The following IFFO2 variants were observed in gnomAD, a reference collection of about 807,000 sequenced individuals.
IFFO2 encodes the protein intermediate filament family orphan 2.
Under a neutral mutation model 53.5 loss-of-function variants are expected in IFFO2, and 19 were observed. The ratio of observed to expected loss-of-function variants is 0.36; its 90% CI spans 0.25 to 0.52. The LOEUF (loss-of-function observed/expected upper bound fraction) is 0.52. IFFO2 is among the 20% of genes least tolerant of loss of function. The probability of loss-of-function intolerance (pLI) is 0.94; values close to 1 mark genes in which losing one functional copy is unlikely to be tolerated. For synonymous variants in IFFO2, 303 were observed against 313.6 expected (o/e 0.97, Z 0.36); for missense variants, 570 against 727.4 (o/e 0.78, Z 2.49).
At position 18,918,626 on chromosome 1, in the gene IFFO2, G is replaced by T; in HGVS notation, c.823-124C>A. The T allele has an allele frequency of 1.0e-6, 1 of 974,250 alleles. No individual in the cohort carries two copies. 60.4% of individuals were successfully genotyped at this position (974,250 alleles called of 1,614,324 possible). On this transcript the variant is annotated intron_variant, in intron 3 of 8. Transcript: ENST00000455833. This position sits in a 1 kb window ranked among gnomAD's most constrained non-coding sequence, Gnocchi z 5.2. ...GTGCGGGGAGGCCTCCAGAGTCCGAGGGTGCCTTGGGCTTTTCCGTGGAGT... is the reference window on the plus strand; with the variant it reads ...GTGCGGGGAGGCCTCCAGAGTCCGATGGTGCCTTGGGCTTTTCCGTGGAGT...
rs920326013 is a variant in IFFO2, at chr1:18,916,305, C to T, written c.1103+598G>A. On this transcript the variant is annotated intron_variant, in intron 5 of 8. Coordinates refer to ENST00000455833, the MANE Select transcript of IFFO2 (RefSeq NM_001136265.2). The surrounding 1 kb of genome is among the most constrained non-coding windows in gnomAD (Gnocchi z 4.3). ...TTTCGAAGGAAAGGCAGGAGAATGG[C>T]AGACAGGGAACATAAAGGATGCTGG... is the stretch of plus-strand genomic sequence containing the variant. Among the ~76,000 whole-genome samples, 14 of 152,170 alleles carry T rather than the reference C, an allele frequency of 9.2e-5. No homozygotes were observed. Among genetic ancestry groups the T allele is most frequent in the African/African-American group, 3.1e-4 (13 of 41,420 alleles).
Position 18,919,883 on chromosome 1 carries a change from G to A in IFFO2, c.727-110C>T, listed in dbSNP as rs1936193271. On this transcript the variant is annotated intron_variant, in intron 2 of 8. Coordinates refer to ENST00000455833, the MANE Select transcript of IFFO2 (RefSeq NM_001136265.2). This position sits in a 1 kb window ranked among gnomAD's most constrained non-coding sequence, Gnocchi z 4.9. ...GGCACCCGATGTCCACCCCAGCTGG[G>A]CACCTGCAGCCAGGGAAGGGGCACC... is the stretch of plus-strand genomic sequence containing the variant. 4 of 694,170 alleles carry A rather than the reference G, an allele frequency of 5.8e-6. No individual in the cohort carries two copies. The Admixed American group carries it at 1.0e-4, about 18-fold the overall frequency. The allele number at this position is 694,170 out of a possible 1,614,324, so 43.0% of individuals were successfully genotyped here.
chr1:18,922,679 T>C (rs773858043), intron 1 of IFFO2, among the ~76,000 whole-genome samples: 8 of 151,878 alleles, frequency 5.3e-5, no homozygotes, highest in South Asian at 2.1e-4. Context: ...GGGGCTGGGA[T>C]TCCTTCCAGG....
At chr1:18,915,764 G>A (rs936575834) in intron 5 of IFFO2, among the ~76,000 whole-genome samples, 4 of 152,164 alleles carry the variant, frequency 2.6e-5, no homozygotes, top group Non-Finnish European at 4.4e-5. Flanking sequence ...TCTGCAAGCC[G>A]TGCGGTCAAC....
intron 1 of IFFO2, among the ~76,000 whole-genome samples, chr1:18,948,852 T>A (rs1236753201): frequency 1.3e-5 from 2 of 152,222 alleles, no homozygotes; most frequent in African/African-American, 4.8e-5. Context: ...TGTGAAATCA[T>A]TCTGAACTTG....
At position 18,947,681 on chromosome 1, in the gene IFFO2, AC is replaced by A. The variant is rs561956716; in HGVS notation, c.665+7986del. Among the ~76,000 whole-genome samples, 11 of 152,050 alleles carry A rather than the reference AC, an allele frequency of 7.2e-5. No individual in the cohort carries two copies. The East Asian group carries it at 2.1e-3, about 30-fold the overall frequency. On this transcript the variant is annotated intron_variant, in intron 1 of 8. Coordinates refer to ENST00000455833, the MANE Select transcript of IFFO2 (RefSeq NM_001136265.2). The surrounding 1 kb of genome is among the most constrained non-coding windows in gnomAD (Gnocchi z 5.0). Reference sequence around the variant, plus strand: ...GCCAGCCCTGCCAGCCCCCATTGAGACCTTCTCCAAAGAGCAGGGGCCTGGA... The same window carrying A: ...GCCAGCCCTGCCAGCCCCCATTGAGACTTCTCCAAAGAGCAGGGGCCTGGA...
At position 18,956,044 on chromosome 1, in the gene IFFO2, G is replaced by A; in HGVS notation, c.289C>T (p.Arg97Cys). 6.8e-7 allele frequency: 1 copy of A among 1,470,918 alleles called. No individual in the cohort carries two copies. The highest frequency in any genetic ancestry group is 2.1e-5 in the Admixed American group (1 of 47,298). The allele number at this position is 1,470,918 out of a possible 1,614,324, so 91.1% of individuals were successfully genotyped here. A position where few individuals can be genotyped will look rare whatever the true frequency, so the allele number is the denominator to read the frequency against. ...QQQSERERRL[R>C]YKTFSREQAV... Reference sequence around the variant, plus strand: ...TGCTCGCGGGAGAAGGTCTTGTAGCGCAGCCGCCGCTCGCGCTCGCTCTGC... The same window carrying A: ...TGCTCGCGGGAGAAGGTCTTGTAGCACAGCCGCCGCTCGCGCTCGCTCTGC... The change falls in exon 1 of 9, where the codon CGC (arginine) becomes TGC (cysteine). Residue 97 changes from arginine (R) to cysteine (C), a missense_variant. By Grantham distance (180) the Arg-to-Cys change is radical. Coordinates refer to ENST00000455833, the MANE Select transcript of IFFO2 (RefSeq NM_001136265.2). The surrounding 1 kb of genome is among the most constrained non-coding windows in gnomAD (Gnocchi z 6.4).
chr1:18,941,516 G>C (rs1936520360), intron 1 of IFFO2, among the ~76,000 whole-genome samples: 3 of 152,220 alleles, frequency 2.0e-5, no homozygotes, highest in African/African-American at 7.2e-5. Context: ...TCACCCACAA[G>C]GCCTCGCAAG....
At chr1:18,951,321 G>T (rs1199628089) in intron 1 of IFFO2, among the ~76,000 whole-genome samples, 1 of 152,130 alleles carries the variant, frequency 6.6e-6, no homozygotes. Context: ...AAGCCACCAG[G>T]CTGAATGATC....
intron 1 of IFFO2, among the ~76,000 whole-genome samples, chr1:18,939,069 G>A (rs950626412): frequency 5.3e-5 from 8 of 152,344 alleles, no homozygotes; most frequent in Admixed American, 1.3e-4. Context: ...CCTTGGAGGT[G>A]AGGGGCCTCC....
chr1:18,943,529 C>G (rs1241780818), intron 1 of IFFO2, among the ~76,000 whole-genome samples: 8 of 152,192 alleles, frequency 5.3e-5, no homozygotes, highest in Non-Finnish European at 1.0e-4. Context: ...ACATTCTAGG[C>G]AAAGTTCTCA....
At chr1:18,922,780 T>C (rs1215407298) in intron 1 of IFFO2, among the ~76,000 whole-genome samples, 1 of 151,714 alleles carries the variant, frequency 6.6e-6, no homozygotes, top group Non-Finnish European at 1.5e-5. Context: ...CTCCCCTCAT[T>C]GTACAGATGG....
In IFFO2 at chr1:18,928,283, C is replaced by T. The variant is rs1164551284; in HGVS notation, c.666-7162G>A. 1.3e-5 allele frequency among the ~76,000 whole-genome samples: 2 copies of T among 152,178 alleles called. No individual in the cohort carries two copies. Among genetic ancestry groups the T allele is most frequent in the East Asian group, 1.9e-4 (1 of 5,198 alleles). On this transcript the variant is annotated intron_variant, in intron 1 of 8. Transcript: ENST00000455833. The surrounding 1 kb of genome is among the most constrained non-coding windows in gnomAD (Gnocchi z 4.9). ...CCCTGATCCCAAGGAAAGGCTGTCT[C>T]GCAGACGTGCCCATCAGAGCCCGGC...
intron 5 of IFFO2, among the ~76,000 whole-genome samples, chr1:18,912,913 C>T (rs935761542): frequency 2.0e-5 from 3 of 152,186 alleles, no homozygotes; most frequent in African/African-American, 7.2e-5. Context: ...TAAGGGGTTC[C>T]CAAGATGCCT....
At position 18,908,367 on chromosome 1, in the gene IFFO2, G is replaced by A. The variant is rs966996760; in HGVS notation, c.*194C>T. ...ACCATTCCTTGGGTGGGTGGGGGATGGAGACGGGGCACCCGTTGGTGGTGT... is the reference window on the plus strand; with the variant it reads ...ACCATTCCTTGGGTGGGTGGGGGATAGAGACGGGGCACCCGTTGGTGGTGT... On this transcript the variant is annotated 3_prime_UTR_variant, in exon 9 of 9. Coordinates refer to ENST00000455833, the MANE Select transcript of IFFO2 (RefSeq NM_001136265.2). 8.7e-6 allele frequency: 5 copies of A among 572,910 alleles called. No homozygotes were observed. In the African/African-American group the frequency reaches 9.4e-5, roughly 11 times the overall value. The allele number at this position is 572,910 out of a possible 1,614,324, so 35.5% of individuals were successfully genotyped here.
At chr1:18,926,492 A>T (rs1278611015) in intron 1 of IFFO2, among the ~76,000 whole-genome samples, 2 of 152,198 alleles carry the variant, frequency 1.3e-5, no homozygotes. Context: ...AGCACAAAGC[A>T]GCTGAGATCA....
chr1:18,921,390 G>C (rs1202708754), intron 1 of IFFO2, among the ~76,000 whole-genome samples: 1 of 152,228 alleles, frequency 6.6e-6, no homozygotes, highest in Non-Finnish European at 1.5e-5. Context: ...GAAGACAGAG[G>C]TGGGAGGGAC....
At chr1:18,915,809 G>A (rs937773135) in intron 5 of IFFO2, among the ~76,000 whole-genome samples, 2 of 152,146 alleles carry the variant, frequency 1.3e-5, no homozygotes, top group Non-Finnish European at 2.9e-5. Context: ...AGTGCAGGTG[G>A]GTCTGGTTAA....
At position 18,956,575 on chromosome 1, in the gene IFFO2, T is replaced by G. The variant is rs937434971; in HGVS notation, c.-243A>C. The G allele has an allele frequency of 7.8e-4, 121 of 155,016 alleles. No homozygotes were observed. The highest frequency in any genetic ancestry group is 5.0e-4 in the Non-Finnish European group (35 of 70,114). 9.6% of individuals were successfully genotyped at this position (155,016 alleles called of 1,614,324 possible). A position where few individuals can be genotyped will look rare whatever the true frequency, so the allele number is the denominator to read the frequency against. On this transcript the variant is annotated 5_prime_UTR_variant, in exon 1 of 9. Transcript: ENST00000455833. The surrounding 1 kb of genome is among the most constrained non-coding windows in gnomAD (Gnocchi z 6.4). ...TCGGGACGCGGTGGAGGCCGCGGTA[T>G]CTGCGCGGGGCCAGAAGGGTCGCGG...
Sources: gnomAD v4.1 joint callset for allele counts (sites outside exome capture counted in the v4.1 genomes callset) on GRCh38, gnomAD v4.1.1 for gene constraint, Gnocchi (gnomAD v3.1) non-coding constraint, MANE v1.5 for transcripts, NCBI Gene and HGNC (gene_info 2026-07-23, HGNC 2026-07-21) for gene names.